PIBF1: variants seen among roughly 807,000 people sequenced by gnomAD.
The protein encoded by PIBF1 is progesterone immunomodulatory binding factor 1, also known as progesterone-induced-blocking factor 1.
A neutral mutation model predicts 112.5 loss-of-function variants in PIBF1; 90 were observed. The ratio of observed to expected loss-of-function variants is 0.80; its 90% CI spans 0.67 to 0.95. The LOEUF (loss-of-function observed/expected upper bound fraction) is 0.95, where lower values mean the gene tolerates loss of function less well. Among genes scored for constraint, PIBF1 ranks in the 40% least tolerant of loss-of-function variants. The pLI is 0.00. For missense variants in PIBF1, 915 were observed against 852.3 expected, an observed-to-expected ratio of 1.07 and a Z score of -0.92; for synonymous variants, 301 against 288.6, an observed-to-expected ratio of 1.04 and a Z score of -0.44.
intron 10 of PIBF1, among the ~76,000 whole-genome samples, chr13:72,869,393 A>T (rs2039060876): frequency 6.8e-6 from 1 of 147,222 alleles, no homozygotes; most frequent in African/African-American, 2.5e-5. Context: ...GCATGTTCTC[A>T]CTCATGGATG....
chr13:72,851,991 A>G (rs1467371925), intron 9 of PIBF1, among the ~76,000 whole-genome samples: 2 of 152,176 alleles, frequency 1.3e-5, no homozygotes, highest in Admixed American at 6.5e-5. Context: ...TACCCATTCC[A>G]GATCTCTTGA....
At chr13:72,791,105 AG>A (rs1272584043) in intron 2 of PIBF1, among the ~76,000 whole-genome samples, 1 of 152,112 alleles carries the variant, frequency 6.6e-6, no homozygotes, top group South Asian at 2.1e-4. Flanking sequence ...CCCAGGCTGG[AG>A]TGCAGTGGCA....
intron 16 of PIBF1, among the ~76,000 whole-genome samples, chr13:72,986,110 C>G (rs1436608992): frequency 6.6e-6 from 1 of 152,128 alleles, no homozygotes; most frequent in Non-Finnish European, 1.5e-5. Flanking sequence ...CTGTAGTGAG[C>G]TGTGCTTGCA....
chr13:72,861,428 T>C (rs2038694223), intron 10 of PIBF1, among the ~76,000 whole-genome samples: 2 of 152,298 alleles, frequency 1.3e-5, no homozygotes, highest in Admixed American at 1.3e-4. Context: ...TGTCCTCATT[T>C]TGTATTAGTA....
intron 16 of PIBF1, among the ~76,000 whole-genome samples, chr13:72,987,854 ATTTATTT>A (rs1315159821): frequency 1.2e-4 from 7 of 58,674 alleles, no homozygotes; most frequent in Admixed American, 2.1e-4. Flanking sequence ...TTATTTATTT[ATTTATTT>A]TTTTTTTTTT....
intron 10 of PIBF1, among the ~76,000 whole-genome samples, chr13:72,891,955 A>C (rs141664113): frequency 6.6e-6 from 1 of 152,158 alleles, no homozygotes; most frequent in Admixed American, 6.6e-5. Context: ...ATATGATTCC[A>C]TTAATACGAA....
chr13:72,814,042 C>T (rs905805026), intron 5 of PIBF1, among the ~76,000 whole-genome samples: 9 of 152,122 alleles, frequency 5.9e-5, no homozygotes, highest in African/African-American at 1.9e-4. Flanking sequence ...GTGAGGGAAT[C>T]GATGTACAGT....
chr13:72,973,460 A>G (rs1451869828), intron 15 of PIBF1, 131 bp from the exon 16 acceptor site: 1 of 493,806 alleles, frequency 2.0e-6, no homozygotes, highest in African/African-American at 2.0e-5. Flanking sequence ...CTGGTCTGGA[A>G]TATTTATGGA....
intron 13 of PIBF1, among the ~76,000 whole-genome samples, chr13:72,929,712 T>C (rs2041642857): frequency 6.6e-6 from 1 of 152,182 alleles, no homozygotes; most frequent in Non-Finnish European, 1.5e-5. Flanking sequence ...GAGGACTGTA[T>C]GCTTTTTCCA....
intron 9 of PIBF1, among the ~76,000 whole-genome samples, chr13:72,846,348 T>C (rs1424803675): frequency 2.0e-5 from 3 of 152,148 alleles, no homozygotes; most frequent in African/African-American, 7.2e-5. Context: ...ATCTCACGTA[T>C]ATTACCTTGC....
At chr13:72,922,498 G>T (rs2041333192) in intron 13 of PIBF1, among the ~76,000 whole-genome samples, 2 of 152,136 alleles carry the variant, frequency 1.3e-5, no homozygotes, top group Non-Finnish European at 2.9e-5. Flanking sequence ...TGACACCCAG[G>T]CACTAACATG....
chr13:72,785,185 A>G (rs1295370974), intron 2 of PIBF1, among the ~76,000 whole-genome samples: 1 of 152,234 alleles, frequency 6.6e-6, no homozygotes, highest in Non-Finnish European at 1.5e-5. Flanking sequence ...AGAAAAAAAA[A>G]TAAGCACACA....
At chr13:73,012,683 A>G (rs2044239221) in intron 17 of PIBF1, among the ~76,000 whole-genome samples, 1 of 152,008 alleles carries the variant, frequency 6.6e-6, no homozygotes, top group Admixed American at 6.6e-5. Flanking sequence ...TGAGCCCAGA[A>G]GGTCAAGGCT....
chr13:73,014,383 A>G (rs1261400616), intron 17 of PIBF1, among the ~76,000 whole-genome samples: 1 of 152,152 alleles, frequency 6.6e-6, no homozygotes, highest in Non-Finnish European at 1.5e-5. Context: ...AAACAAAACT[A>G]CAGACCAATA....
chr13:72,902,280 G>A (rs765151243), intron 11 of PIBF1, among the ~76,000 whole-genome samples: 1 of 149,438 alleles, frequency 6.7e-6, no homozygotes, highest in Non-Finnish European at 1.5e-5. Flanking sequence ...ATATAGTGCA[G>A]TGTATACTGC....
At chr13:72,944,551 T>C (rs1006146725) in intron 14 of PIBF1, among the ~76,000 whole-genome samples, 4 of 152,182 alleles carry the variant, frequency 2.6e-5, no homozygotes, top group African/African-American at 4.8e-5. Context: ...TCTGCTCTTA[T>C]CAAATGCAGA....
intron 14 of PIBF1, among the ~76,000 whole-genome samples, chr13:72,948,477 G>A (rs555741415): frequency 1.3e-5 from 2 of 152,212 alleles, no homozygotes; most frequent in African/African-American, 4.8e-5. Flanking sequence ...GTCTCTAGGA[G>A]GCTCCAAATT....
At chr13:72,835,529 T>A (rs1394328722) in intron 9 of PIBF1, among the ~76,000 whole-genome samples, 161 bp downstream of exon 9, 1 of 152,182 alleles carries the variant, frequency 6.6e-6, no homozygotes, top group Non-Finnish European at 1.5e-5. Flanking sequence ...ATGAAAGTTC[T>A]AAAGTCTTAG....
At chr13:72,850,798 AGTTT>A (rs774517385) in intron 9 of PIBF1, among the ~76,000 whole-genome samples, 95 of 152,174 alleles carry the variant, frequency 6.2e-4, no homozygotes, top group African/African-American at 2.0e-3. Context: ...TTTATGTTTC[AGTTT>A]GTTTGAGAAT....
Sources: gnomAD v4.1 joint callset for allele counts (sites outside exome capture counted in the v4.1 genomes callset) on GRCh38, gnomAD v4.1.1 for gene constraint, MANE v1.5 for transcripts, NCBI Gene and HGNC (gene_info 2026-07-23, HGNC 2026-07-21) for gene names.